PSMG2: variants seen among roughly 807,000 people sequenced by gnomAD.
PSMG2 encodes the protein CD40 ligand-activated specific transcript 3.
A neutral mutation model predicts 31.5 loss-of-function variants in PSMG2; 21 were observed. The observed-to-expected ratio is 0.67, with a 90% CI of 0.47 to 0.96. The LOEUF (loss-of-function observed/expected upper bound fraction) is 0.96, where lower values mean the gene tolerates loss of function less well. Ranked by LOEUF, PSMG2 falls within the 40% of genes least tolerant of loss-of-function variation. The pLI is 0.00. For missense variants in PSMG2, 318 were observed against 321.2 expected, an observed-to-expected ratio of 0.99 and a Z score of 0.08; for synonymous variants, 120 against 110.4, an observed-to-expected ratio of 1.09 and a Z score of -0.54.
intron 3 of PSMG2, among the ~76,000 whole-genome samples, chr18:12,714,281 C>T (rs2040356946): frequency 6.6e-6 from 1 of 152,164 alleles, no homozygotes; most frequent in Non-Finnish European, 1.5e-5. Context: ...CTCACAGGAG[C>T]TCTGCCAGAC....
intron 1 of PSMG2, chr18:12,658,815 C>T (rs1294184327): frequency 3.1e-6 from 1 of 321,324 alleles, no homozygotes; most frequent in South Asian, 2.3e-5. Context: ...GTTTTCCTCA[C>T]TGACTTCTCC....
intron 1 of PSMG2, among the ~76,000 whole-genome samples, chr18:12,696,140 T>C (rs371565861): frequency 2.9e-4 from 44 of 152,324 alleles, no homozygotes; most frequent in African/African-American, 1.0e-3. Context: ...GAAAATAAAT[T>C]TCTTACATAA....
intron 1 of PSMG2, chr18:12,695,211 T>A (rs765168788): frequency 2.3e-6 from 2 of 880,652 alleles, no homozygotes. Context: ...TATACTACTA[T>A]GAAAACAAAC....
chr18:12,697,821 A>G (rs577827412), intron 1 of PSMG2, among the ~76,000 whole-genome samples: 1 of 152,176 alleles, frequency 6.6e-6, no homozygotes, highest in South Asian at 2.1e-4. Context: ...AAAATACAGC[A>G]CATCGAATCT....
intron 1 of PSMG2, chr18:12,673,589 A>T: frequency 8.4e-7 from 1 of 1,187,118 alleles, no homozygotes; most frequent in Non-Finnish European, 1.2e-6. Context: ...ATTTAAAATA[A>T]TTTTTTCAGG....
intron 2 of PSMG2, among the ~76,000 whole-genome samples, chr18:12,711,943 C>G (rs764745954): frequency 1.6e-4 from 25 of 151,850 alleles, no homozygotes; most frequent in Non-Finnish European, 3.5e-4. Context: ...TTAGTAGAGA[C>G]GGGGTTTCAT....
At chr18:12,668,986 T>C (rs28832066) in intron 1 of PSMG2, among the ~76,000 whole-genome samples, 34,382 of 111,812 alleles carry the variant, frequency 0.31, 6,230 homozygotes, top group Non-Finnish European at 0.36. Flanking sequence ...GTGATCTGCC[T>C]GCCTCAGCCT....
chr18:12,725,732 C>T lies in PSMG2; in HGVS notation c.*201C>T, dbSNP rs1025973124. 2.4e-6 allele frequency: 1 copy of T among 415,816 alleles called. No homozygotes were observed. Among genetic ancestry groups the T allele is most frequent in the Non-Finnish European group, 4.2e-6 (1 of 237,596 alleles). 25.8% of individuals were successfully genotyped at this position (415,816 alleles called of 1,614,324 possible). On this transcript the variant is annotated 3_prime_UTR_variant, in exon 7 of 7. Transcript: ENST00000317615. ...AATTTTGTACAATAAAATTTTATTTCCTAAGTAATTTTGTCTTAAATGTAT... is the reference window on the plus strand; with the variant it reads ...AATTTTGTACAATAAAATTTTATTTTCTAAGTAATTTTGTCTTAAATGTAT...
At chr18:12,698,080 C>A (rs61550984), upstream of PSMG2, among the ~76,000 whole-genome samples, 1 of 151,092 alleles carries the variant, frequency 6.6e-6, no homozygotes, top group Non-Finnish European at 1.5e-5. Context: ...GAATTACATG[C>A]TTTATTGGAG....
chr18:12,709,395 C>T (rs372827122), intron 2 of PSMG2, among the ~76,000 whole-genome samples: 1 of 151,760 alleles, frequency 6.6e-6, no homozygotes, highest in East Asian at 2.0e-4. Context: ...GGCGGGATCT[C>T]GGCTCACTGC....
rs892489634 is a variant in PSMG2 at position 12,664,545 on chromosome 18, G to A, written c.-37+5772G>A. 2.2e-4 allele frequency among the ~76,000 whole-genome samples: 33 copies of A among 151,396 alleles called. No homozygotes were observed. In the East Asian group the frequency reaches 5.1e-3, roughly 23 times the overall value. On this transcript the variant is annotated intron_variant, in intron 1 of 6. Coordinates refer to the PSMG2 transcript ENST00000585331. ...AGCCTGGGTGACAGAGCGAGACTCC[G>A]TCTCAAAAAAAACAAAATTTGTAGA...
At chr18:12,713,671 A>G (rs2040351563) in intron 3 of PSMG2, among the ~76,000 whole-genome samples, 2 of 152,148 alleles carry the variant, frequency 1.3e-5, no homozygotes, top group South Asian at 2.1e-4. Context: ...GTTCCAACCA[A>G]TTTCAGCCAG....
At chr18:12,668,030 C>T (rs4797698) in intron 1 of PSMG2, among the ~76,000 whole-genome samples, 24,589 of 151,478 alleles carry the variant, frequency 0.16, 2,081 homozygotes, top group Admixed American at 0.24. Flanking sequence ...TTTGGGAGGC[C>T]GAGGCAGGCG....
At chr18:12,669,440 A>G (rs2038884617) in intron 1 of PSMG2, among the ~76,000 whole-genome samples, 1 of 151,862 alleles carries the variant, frequency 6.6e-6, no homozygotes, top group Non-Finnish European at 1.5e-5. Context: ...CAGAGATGCC[A>G]TCTCACTATG....
upstream of PSMG2, chr18:12,700,015 C>CTT: frequency 1.9e-6 from 1 of 533,518 alleles, no homozygotes; most frequent in Non-Finnish European, 3.2e-6. Context: ...GGGTAAGGCC[C>CTT]TTTCAAAGAA....
rs1028788423 is a variant in PSMG2 at position 12,686,164 on chromosome 18, A to C, written c.-36-20386A>C. ...AACCTGTGGGTACAGAGGGTTGACT[A>C]TATGTGCATTTTTCTAAGGCATTCT... On this transcript the variant is annotated intron_variant, in intron 1 of 6. Coordinates refer to the PSMG2 transcript ENST00000585331. 6.5e-6 allele frequency: 6 copies of C among 925,666 alleles called. No homozygotes were observed. In the African/African-American group the frequency reaches 8.3e-5, roughly 13 times the overall value. 57.3% of individuals were successfully genotyped at this position (925,666 alleles called of 1,614,324 possible). A position where few individuals can be genotyped will look rare whatever the true frequency, so the allele number is the denominator to read the frequency against.
At chr18:12,718,340 A>G (rs893564046) in intron 3 of PSMG2, among the ~76,000 whole-genome samples, 177 bp from the exon 4 acceptor site, 9 of 152,214 alleles carry the variant, frequency 5.9e-5, no homozygotes, top group Non-Finnish European at 1.0e-4. Flanking sequence ...TAGATAATTC[A>G]TTGCTCTTTA....
chr18:12,703,218 G>A, intron 1 of PSMG2, 54 bp downstream of exon 1: 2 of 1,543,380 alleles, frequency 1.3e-6, no homozygotes, highest in Non-Finnish European at 1.8e-6. Context: ...CTGCGGTGTC[G>A]CCACCCCGAC....
intron 1 of PSMG2, among the ~76,000 whole-genome samples, chr18:12,694,637 A>G (rs1006732597): frequency 6.6e-6 from 1 of 152,332 alleles, no homozygotes; most frequent in East Asian, 1.9e-4. Flanking sequence ...CGCCTGCGAA[A>G]GAACGTTAAA....
Sources: gnomAD v4.1 joint callset for allele counts (sites outside exome capture counted in the v4.1 genomes callset) on GRCh38, gnomAD v4.1.1 for gene constraint, MANE v1.5 for transcripts, NCBI Gene and HGNC (gene_info 2026-07-23, HGNC 2026-07-21) for gene names.